PSTPIP1: variants seen among roughly 807,000 people sequenced by gnomAD.
PSTPIP1 encodes the protein proline-serine-threonine phosphatase interacting protein 1.
Under a neutral mutation model 69.6 loss-of-function variants are expected in PSTPIP1, and 66 were observed. The observed-to-expected ratio is 0.95, with a 90% CI of 0.78 to 1.16. PSTPIP1 has a LOEUF of 1.16. Among genes scored for constraint, PSTPIP1 ranks in the 50% most tolerant of loss-of-function variants. The pLI, the probability that PSTPIP1 is intolerant of heterozygous loss-of-function variation, is 0.00. For synonymous variants in PSTPIP1, 266 were observed against 222.7 expected, an observed-to-expected ratio of 1.19 and a Z score of -1.73; for missense variants, 603 against 557.4, an observed-to-expected ratio of 1.08 and a Z score of -0.82.
rs886041107 is a variant in PSTPIP1 at position 77,027,861 on chromosome 15, G to A, written c.364G>A (p.Val122Ile). ...CTCGTGTCCCCTGCAGTATGAGGCC[G>A]TCATGGACCGGGTCCAGAAGAGCAA... ...QKEQRKKYEA[V>I]MDRVQKSKLS... Residue 122 changes from valine to isoleucine, a missense_variant, in exon 6 of 15, where the codon GTC becomes ATC. By Grantham distance (29) the Val-to-Ile change is conservative. Coordinates refer to ENST00000558012, the MANE Select transcript of PSTPIP1 (RefSeq NM_003978.5). The surrounding 1 kb of genome is among the most constrained non-coding windows in gnomAD (Gnocchi z 4.3). 3.8e-6 allele frequency: 6 copies of A among 1,567,566 alleles called. No homozygotes were observed. Among genetic ancestry groups the A allele is most frequent in the East Asian group, 2.4e-5 (1 of 41,898 alleles).
chr15:77,011,101 C>A (rs2075925947), intron 1 of PSTPIP1, among the ~76,000 whole-genome samples: 2 of 152,216 alleles, frequency 1.3e-5, no homozygotes, highest in African/African-American at 4.8e-5. Flanking sequence ...TTTAAAAGAA[C>A]AAAGCTTTCA....
chr15:77,030,699 C>G (rs2076393891), intron 9 of PSTPIP1, 118 bp downstream of exon 9: 1 of 1,015,886 alleles, frequency 9.8e-7, no homozygotes, highest in Non-Finnish European at 1.4e-6. Flanking sequence ...CTGTTACTCA[C>G]TCGTTTATTC....
At chr15:77,012,804 T>C (rs1425513493) in intron 1 of PSTPIP1, among the ~76,000 whole-genome samples, 6 of 152,328 alleles carry the variant, frequency 3.9e-5, no homozygotes, top group Middle Eastern at 6.8e-3. Flanking sequence ...TAATGGGTCA[T>C]TGAATCTGCA....
rs1458518038 is a variant in PSTPIP1 at position 77,027,763 on chromosome 15, C to A, written c.355-89C>A. 1.4e-6 allele frequency: 2 copies of A among 1,455,864 alleles called. No homozygotes were observed. The highest frequency in any genetic ancestry group is 1.9e-6 in the Non-Finnish European group (2 of 1,063,274). 90.2% of individuals were successfully genotyped at this position (1,455,864 alleles called of 1,614,324 possible). ...CTCTCCAGAGCCAGGAGAGGTGCTG[C>A]GCCTCATCCCAGGGACACTCCGTCC... On this transcript the variant is annotated intron_variant, in intron 5 of 14. Coordinates refer to ENST00000558012, the MANE Select transcript of PSTPIP1 (RefSeq NM_003978.5). The surrounding 1 kb of genome is among the most constrained non-coding windows in gnomAD (Gnocchi z 4.3).
intron 11 of PSTPIP1, 128 bp downstream of exon 11, chr15:77,032,522 T>C: frequency 9.9e-7 from 1 of 1,009,520 alleles, no homozygotes; most frequent in Non-Finnish European, 1.5e-6. Flanking sequence ...AGAGAAGCCC[T>C]AGCAGGGGTT....
intron 7 of PSTPIP1, 90 bp from the exon 8 acceptor site, chr15:77,029,439 G>A (rs529834707): frequency 9.5e-6 from 14 of 1,466,070 alleles, no homozygotes; most frequent in Admixed American, 4.0e-5. Flanking sequence ...CAGGGTGGCC[G>A]GGGAAGCTTG....
intron 3 of PSTPIP1, among the ~76,000 whole-genome samples, chr15:77,023,074 G>A (rs1209816186): frequency 6.6e-6 from 1 of 152,242 alleles, no homozygotes; most frequent in Non-Finnish European, 1.5e-5. Context: ...CTGGGAAAAG[G>A]GCCAGCAGCT....
intron 1 of PSTPIP1, among the ~76,000 whole-genome samples, chr15:77,013,932 G>A (rs1421307354): frequency 1.3e-5 from 2 of 152,274 alleles, no homozygotes; most frequent in Non-Finnish European, 2.9e-5. Context: ...TGTAGGGCGA[G>A]AGGGGAGGTG....
intron 1 of PSTPIP1, among the ~76,000 whole-genome samples, chr15:76,997,439 T>A (rs1031198116): frequency 2.0e-5 from 3 of 152,254 alleles, no homozygotes; most frequent in African/African-American, 7.2e-5. Context: ...TCCCAGTGCA[T>A]AACAACTAAC....
chr15:77,036,198 C>T (rs1568528493), intron 14 of PSTPIP1, among the ~76,000 whole-genome samples: 2 of 152,282 alleles, frequency 1.3e-5, no homozygotes, highest in South Asian at 2.1e-4. Flanking sequence ...AGCTGGTGTG[C>T]AGCAGGCCTG....
intron 1 of PSTPIP1, among the ~76,000 whole-genome samples, chr15:76,997,751 C>A (rs561216697): frequency 6.6e-6 from 1 of 152,252 alleles, no homozygotes; most frequent in South Asian, 2.1e-4. Context: ...GAAAATCAGA[C>A]AAGGTGGCTA....
At chr15:77,001,705 G>C (rs767763933) in intron 1 of PSTPIP1, among the ~76,000 whole-genome samples, 1 of 152,228 alleles carries the variant, frequency 6.6e-6, no homozygotes, top group Non-Finnish European at 1.5e-5. Flanking sequence ...GGTGTTCCCT[G>C]TAAAAAGCAG....
chr15:77,025,223 C>T, intron 3 of PSTPIP1, 61 bp from the exon 4 acceptor site: 1 of 1,535,978 alleles, frequency 6.5e-7, no homozygotes, highest in Non-Finnish European at 9.0e-7. Flanking sequence ...CGGGAGGCAG[C>T]CTGGACTGTA....
chr15:77,007,836 T>C, intron 1 of PSTPIP1: 1 of 448,698 alleles, frequency 2.2e-6, no homozygotes, highest in African/African-American at 2.0e-5. Flanking sequence ...CCTCGTGATC[T>C]GCCCGTCTAG....
At chr15:77,031,106 C>T (rs1222913511) in intron 9 of PSTPIP1, 74 bp from the exon 10 acceptor site, 11 of 1,420,552 alleles carry the variant, frequency 7.7e-6, no homozygotes, top group Non-Finnish European at 8.9e-6. Context: ...TCCGGCTGAG[C>T]TGTGAATGGG....
At chr15:77,028,239 C>A (rs915687896) in intron 6 of PSTPIP1, 4 of 503,552 alleles carry the variant, frequency 7.9e-6, no homozygotes, top group Non-Finnish European at 1.4e-5. Context: ...GGGAGAGGGG[C>A]TCCTAAGAGG....
rs1234630777 is a variant in PSTPIP1 at position 77,030,535 on chromosome 15, A to G, written c.596A>G (p.Glu199Gly). 1 of 1,612,440 alleles carries G rather than the reference A, an allele frequency of 6.2e-7. No homozygotes were observed. The highest frequency in any genetic ancestry group is 1.3e-5 in the African/African-American group (1 of 74,930). ...RVYRQSIAQLEKVRAEWEQEH... is the reference protein window; with the variant it reads ...RVYRQSIAQLGKVRAEWEQEH... Reference sequence around the variant, plus strand: ...TACAGGCAGAGCATTGCGCAGCTGGAGAAGGTCCGGGCTGAGTGGGAGCAG... The same window carrying G: ...TACAGGCAGAGCATTGCGCAGCTGGGGAAGGTCCGGGCTGAGTGGGAGCAG... The change falls in exon 9 of 15, where the codon GAG becomes GGG. Residue 199 changes from glutamate (E) to glycine (G), a missense_variant. Glu to Gly is a moderately conservative substitution (Grantham distance 98, BLOSUM62 -2). Coordinates refer to ENST00000558012, the MANE Select transcript of PSTPIP1 (RefSeq NM_003978.5).
intron 1 of PSTPIP1, among the ~76,000 whole-genome samples, chr15:77,012,958 C>G (rs115515761): frequency 3.3e-5 from 5 of 152,166 alleles, no homozygotes; most frequent in African/African-American, 1.2e-4. Flanking sequence ...CACCAGGTGC[C>G]GGGATCCAGT....
intron 1 of PSTPIP1, among the ~76,000 whole-genome samples, chr15:77,011,256 AGTGT>A (rs763750790): frequency 1.1e-4 from 17 of 152,216 alleles, no homozygotes; most frequent in Non-Finnish European, 1.6e-4. Flanking sequence ...ACTCATGCAC[AGTGT>A]GTCCTTGTCC....
Sources: gnomAD v4.1 joint callset for allele counts (sites outside exome capture counted in the v4.1 genomes callset) on GRCh38, gnomAD v4.1.1 for gene constraint, Gnocchi (gnomAD v3.1) non-coding constraint, MANE v1.5 for transcripts, NCBI Gene and HGNC (gene_info 2026-07-23, HGNC 2026-07-21) for gene names.